Variants in AUTS2 observed in about 807,000 individuals in gnomAD.
The protein encoded by AUTS2 is autism susceptibility gene 2 protein.
In AUTS2, 17 loss-of-function variants were observed where a neutral mutation model predicts 112.4. The observed-to-expected ratio is 0.15, with a 90% CI of 0.10 to 0.23. AUTS2 has a LOEUF of 0.23. Among genes scored for constraint, AUTS2 ranks in the 10% least tolerant of loss-of-function variants. AUTS2 has a pLI of 1.00. For missense variants in AUTS2, 1,510 were observed against 1,701.6 expected (o/e 0.89, Z 1.98); for synonymous variants, 751 against 702.7 (o/e 1.07, Z -1.09).
intron 2 of AUTS2, among the ~76,000 whole-genome samples, chr7:69,945,926 TC>T (rs1320137522): frequency 1.3e-5 from 2 of 152,162 alleles, no homozygotes; most frequent in East Asian, 1.9e-4. Context: ...AGCCTTGACT[TC>T]CTGGGCTCAA....
intron 5 of AUTS2, among the ~76,000 whole-genome samples, chr7:70,632,836 G>A (rs12056093): frequency 1.3e-5 from 2 of 152,018 alleles, no homozygotes; most frequent in Admixed American, 1.3e-4. Flanking sequence ...GGGCTGCAGA[G>A]GACACAGACC....
At chr7:69,765,466 T>A (rs1044366075) in intron 1 of AUTS2, among the ~76,000 whole-genome samples, 2 of 152,034 alleles carry the variant, frequency 1.3e-5, no homozygotes, top group Non-Finnish European at 2.9e-5. Context: ...TTAGGTTTTT[T>A]AAAAAAATTA....
intron 5 of AUTS2, among the ~76,000 whole-genome samples, chr7:70,656,128 C>T (rs1274179521): frequency 2.0e-5 from 3 of 151,744 alleles, no homozygotes; most frequent in Non-Finnish European, 4.4e-5. Flanking sequence ...TGCTCTGTAC[C>T]TCTGTCTATC....
chr7:69,637,472 TC>T (rs1293838694), intron 1 of AUTS2, among the ~76,000 whole-genome samples: 4 of 152,320 alleles, frequency 2.6e-5, no homozygotes, highest in South Asian at 2.1e-4. Context: ...AATCTTCTGT[TC>T]CCAGTATCAG....
chr7:69,637,519 T>C (rs1014397476), intron 1 of AUTS2, among the ~76,000 whole-genome samples: 1 of 152,216 alleles, frequency 6.6e-6, no homozygotes, highest in Non-Finnish European at 1.5e-5. Flanking sequence ...TAGTACAATA[T>C]AGGTTTACTT....
chr7:70,746,699 C>T (rs912920723), intron 6 of AUTS2, among the ~76,000 whole-genome samples: 6 of 151,848 alleles, frequency 4.0e-5, no homozygotes, highest in South Asian at 4.2e-4. Context: ...GCGCACTGGA[C>T]GGTGGCTGAA....
At chr7:69,722,652 G>A (rs1014851260) in intron 1 of AUTS2, among the ~76,000 whole-genome samples, 2 of 152,104 alleles carry the variant, frequency 1.3e-5, no homozygotes, top group East Asian at 3.9e-4. Context: ...TACAGGTTAA[G>A]CAGCTATGTG....
At chr7:70,117,925 T>C (rs1209552049) in intron 2 of AUTS2, among the ~76,000 whole-genome samples, 1 of 151,986 alleles carries the variant, frequency 6.6e-6, no homozygotes, top group East Asian at 1.9e-4. Flanking sequence ...ATTTTTGCAT[T>C]TTTAGTAGAG....
chr7:70,292,732 T>C (rs1229582747), intron 4 of AUTS2: 1 of 152,144 alleles, frequency 6.6e-6, no homozygotes. Context: ...AGGAAAATTT[T>C]AAAATGCTTT....
At chr7:70,212,668 C>T (rs995028322) in intron 4 of AUTS2, among the ~76,000 whole-genome samples, 5 of 150,812 alleles carry the variant, frequency 3.3e-5, no homozygotes, top group Non-Finnish European at 7.4e-5. Context: ...GATTTGCTTC[C>T]CCTCTTCTCT....
intron 2 of AUTS2, among the ~76,000 whole-genome samples, chr7:70,026,768 T>A (rs1037156609): frequency 2.0e-5 from 3 of 152,164 alleles, no homozygotes; most frequent in Admixed American, 2.0e-4. Context: ...ACATATGTGC[T>A]CCTTTGTTTC....
chr7:70,377,195 AT>A (rs1215839401), intron 4 of AUTS2, among the ~76,000 whole-genome samples: 2 of 151,024 alleles, frequency 1.3e-5, no homozygotes, highest in African/African-American at 4.9e-5. Flanking sequence ...CCATCACAAT[AT>A]TTTTATAGGA....
intron 5 of AUTS2, among the ~76,000 whole-genome samples, chr7:70,671,857 T>G (rs1418906890): frequency 2.0e-5 from 3 of 152,172 alleles, no homozygotes. Flanking sequence ...TTGCAACCTT[T>G]GCTTAGGTGA....
Position 70,621,797 on chromosome 7 carries a change from C to T in AUTS2, c.691-76772C>T, listed in dbSNP as rs143522508. 3.2e-3 allele frequency among the ~76,000 whole-genome samples: 475 copies of T among 148,586 alleles called. 5 individuals are homozygous for T. Among genetic ancestry groups the T allele is most frequent in the African/African-American group, 1.0e-2 (401 of 40,190 alleles). ...CTGAACTTTGCTAGCTGTTCTGGGACGCTACAGCTAGGCAGGCTTACGTTA... is the reference window on the plus strand; with the variant it reads ...CTGAACTTTGCTAGCTGTTCTGGGATGCTACAGCTAGGCAGGCTTACGTTA... On this transcript the variant is annotated intron_variant, in intron 5 of 18. Transcript: ENST00000342771.
intron 6 of AUTS2, among the ~76,000 whole-genome samples, chr7:70,748,724 C>T (rs1788619156): frequency 6.6e-6 from 1 of 152,162 alleles, no homozygotes; most frequent in Admixed American, 6.5e-5. Flanking sequence ...TAGCCCAGTC[C>T]CCATTCCACT....
At chr7:70,586,811 A>T (rs1392759650) in intron 5 of AUTS2, among the ~76,000 whole-genome samples, 2 of 152,152 alleles carry the variant, frequency 1.3e-5, no homozygotes, top group African/African-American at 4.8e-5. Context: ...TTGCCCACAG[A>T]TTTTCCTAAT....
At chr7:70,194,228 G>C (rs1431433728) in intron 4 of AUTS2, among the ~76,000 whole-genome samples, 1 of 152,076 alleles carries the variant, frequency 6.6e-6, no homozygotes, top group Non-Finnish European at 1.5e-5. Context: ...TGGCCAACAT[G>C]GTGAAACCCT....
chr7:70,687,825 G>A (rs1362904383), intron 5 of AUTS2, among the ~76,000 whole-genome samples: 1 of 152,192 alleles, frequency 6.6e-6, no homozygotes, highest in Non-Finnish European at 1.5e-5. Flanking sequence ...ACCTGACGTT[G>A]ATTAGCCCTG....
intron 5 of AUTS2, among the ~76,000 whole-genome samples, chr7:70,639,169 C>T (rs113181073): frequency 3.7e-4 from 56 of 152,266 alleles, no homozygotes; most frequent in African/African-American, 1.2e-3. Context: ...CCGCTGCCGC[C>T]GCCACCACCA....
Sources: gnomAD v4.1 joint callset for allele counts (sites outside exome capture counted in the v4.1 genomes callset) on GRCh38, gnomAD v4.1.1 for gene constraint, MANE v1.5 for transcripts, NCBI Gene and HGNC (gene_info 2026-07-23, HGNC 2026-07-21) for gene names.